MGMT: variants seen among roughly 807,000 people sequenced by gnomAD.
MGMT encodes the protein methylated-DNA--protein-cysteine methyltransferase.
In MGMT, 14 loss-of-function variants were observed where a neutral mutation model predicts 15.9. The ratio of observed to expected loss-of-function variants is 0.88; its 90% CI spans 0.58 to 1.37. MGMT has a LOEUF of 1.37. MGMT is among the 40% of genes most tolerant of loss of function. The pLI, the probability that MGMT is intolerant of heterozygous loss-of-function variation, is 0.00. For missense variants in MGMT, 282 were observed against 268.1 expected (o/e 1.05, Z -0.36); for synonymous variants, 130 against 118.2 (o/e 1.10, Z -0.65).
intron 1 of MGMT, among the ~76,000 whole-genome samples, chr10:129,470,436 G>T (rs1180957061): frequency 6.6e-6 from 1 of 152,186 alleles, no homozygotes; most frequent in African/African-American, 2.4e-5. Context: ...TGCATAGTTT[G>T]GGGGAAACTA....
chr10:129,676,258 G>T (rs556522228), intron 2 of MGMT, among the ~76,000 whole-genome samples: 1 of 152,114 alleles, frequency 6.6e-6, no homozygotes, highest in Non-Finnish European at 1.5e-5. Context: ...GCCGCCCCCC[G>T]ACCTTCATTT....
chr10:129,715,457 G>C (rs1848282941), intron 3 of MGMT: 1 of 152,114 alleles, frequency 6.6e-6, no homozygotes, highest in Admixed American at 6.5e-5. Flanking sequence ...TTTTCTCTCT[G>C]TTTTAAAGTA....
intron 3 of MGMT, among the ~76,000 whole-genome samples, chr10:129,738,121 G>A (rs554650523): frequency 1.5e-4 from 23 of 152,380 alleles, no homozygotes; most frequent in African/African-American, 5.0e-4. Flanking sequence ...ACCTAAGCAA[G>A]CCTGGGCAAT....
At position 129,761,329 on chromosome 10, in the gene MGMT, C is replaced by T. The variant is rs141569867; in HGVS notation, c.414+1988C>T. Among the ~76,000 whole-genome samples the T allele has an allele frequency of 1.4e-3, 217 of 152,310 alleles. 1 individual carries two copies. The highest frequency in any genetic ancestry group is 5.1e-3 in the African/African-American group (210 of 41,550). ...TGCACACACATGAAGATGGGAGTGGCCCCGTCAGCGGGCGCCGACTGCTCG... is the reference window on the plus strand; with the variant it reads ...TGCACACACATGAAGATGGGAGTGGTCCCGTCAGCGGGCGCCGACTGCTCG... On this transcript the variant is annotated intron_variant, in intron 4 of 4. Transcript: ENST00000651593.
intron 1 of MGMT, among the ~76,000 whole-genome samples, chr10:129,479,722 G>A (rs531652335): frequency 1.5e-4 from 21 of 141,316 alleles, no homozygotes; most frequent in African/African-American, 4.4e-4. Context: ...GTGTTTCTCC[G>A]TTCTCACGTT....
At chr10:129,480,673 T>A (rs1358568591) in intron 1 of MGMT, among the ~76,000 whole-genome samples, 1 of 151,966 alleles carries the variant, frequency 6.6e-6, no homozygotes, top group Non-Finnish European at 1.5e-5. Context: ...AGGCCAGGAG[T>A]TGGAGACCAG....
intron 1 of MGMT, 54 bp downstream of exon 1, chr10:129,467,350 C>T (rs918460050): frequency 1.1e-5 from 16 of 1,493,418 alleles, no homozygotes; most frequent in African/African-American, 8.5e-5. Context: ...TCCCTCGGGA[C>T]GGTGGCAGCC....
intron 2 of MGMT, among the ~76,000 whole-genome samples, chr10:129,707,202 G>A (rs569599112): frequency 5.7e-4 from 87 of 152,166 alleles, no homozygotes; most frequent in African/African-American, 1.7e-3. Context: ...ACTTGAACCC[G>A]GGATATGGAG....
intron 2 of MGMT, among the ~76,000 whole-genome samples, chr10:129,558,810 T>A (rs1023916519): frequency 6.6e-6 from 1 of 152,212 alleles, no homozygotes; most frequent in Non-Finnish European, 1.5e-5. Flanking sequence ...TTTCGAAAAG[T>A]GTGTCAGATC....
chr10:129,767,105 C>T lies in MGMT; in HGVS notation c.*108C>T, dbSNP rs1434055090. ...AAAGGAAGTGGCAGTGTCCTGGGAA[C>T]AAGCGTGTCTGCCCTTTCTGTTTCC... On this transcript the variant is annotated 3_prime_UTR_variant, in exon 5 of 5. Coordinates refer to ENST00000651593, the MANE Select transcript of MGMT (RefSeq NM_002412.5). 1.1e-6 allele frequency: 1 copy of T among 943,246 alleles called. No individual in the cohort carries two copies. The highest frequency in any genetic ancestry group is 1.7e-5 in the African/African-American group (1 of 60,316). The allele number at this position is 943,246 out of a possible 1,614,324, so 58.4% of individuals were successfully genotyped here.
intron 1 of MGMT, among the ~76,000 whole-genome samples, chr10:129,510,829 C>T (rs1845673884): frequency 1.3e-5 from 2 of 151,450 alleles, no homozygotes; most frequent in Non-Finnish European, 2.9e-5. Flanking sequence ...ATACTAGACG[C>T]AGGCACGTGC....
rs780753989 is a variant in MGMT, at chr10:129,708,064, C to T, written c.274+21C>T. The T allele has an allele frequency of 7.1e-5, 114 of 1,601,886 alleles. No homozygotes were observed. The Middle Eastern group carries it at 8.4e-4, about 12-fold the overall frequency. ...GCAAGGTCGGTAACTAAGCCATCTG[C>T]GGTGTTTCCTTTGGGGAGCTTGACT... On this transcript the variant is annotated intron_variant, in intron 3 of 4. Transcript: ENST00000651593.
intron 2 of MGMT, among the ~76,000 whole-genome samples, chr10:129,568,081 A>C (rs879898906): frequency 6.6e-6 from 1 of 152,226 alleles, no homozygotes; most frequent in African/African-American, 2.4e-5. Flanking sequence ...ATGCAAACCA[A>C]CCATTAAAAA....
chr10:129,520,008 AAAAAG>A (rs1448790239), intron 1 of MGMT, among the ~76,000 whole-genome samples: 4 of 152,152 alleles, frequency 2.6e-5, no homozygotes, highest in Admixed American at 2.0e-4. Flanking sequence ...ATCTCTACCA[AAAAAG>A]AAAAAGAATA....
chr10:129,762,748 G>A (rs537818285), intron 4 of MGMT, among the ~76,000 whole-genome samples: 8 of 152,254 alleles, frequency 5.3e-5, no homozygotes, highest in Middle Eastern at 3.4e-3. Context: ...TGCCATGAGC[G>A]TTAATGACCC....
chr10:129,596,594 G>T (rs1369347941), intron 2 of MGMT, among the ~76,000 whole-genome samples: 1 of 152,210 alleles, frequency 6.6e-6, no homozygotes, highest in African/African-American at 2.4e-5. Flanking sequence ...CACGGTGCTT[G>T]AGTGGAAGGA....
At chr10:129,711,161 G>A (rs1353993097) in intron 3 of MGMT, among the ~76,000 whole-genome samples, 1 of 152,122 alleles carries the variant, frequency 6.6e-6, no homozygotes, top group Non-Finnish European at 1.5e-5. Context: ...CGGCCTCTTC[G>A]CGGTACCACC....
chr10:129,486,139 A>G (rs1845406547), intron 1 of MGMT, among the ~76,000 whole-genome samples: 1 of 151,506 alleles, frequency 6.6e-6, no homozygotes, highest in African/African-American at 2.4e-5. Context: ...TAACCAAGTC[A>G]AGGTGTGGTT....
At chr10:129,572,830 T>C (rs1846435685) in intron 2 of MGMT, among the ~76,000 whole-genome samples, 1 of 152,220 alleles carries the variant, frequency 6.6e-6, no homozygotes, top group African/African-American at 2.4e-5. Flanking sequence ...TTATTGTATA[T>C]GTGTACCCAA....
Sources: gnomAD v4.1 joint callset for allele counts (sites outside exome capture counted in the v4.1 genomes callset) on GRCh38, gnomAD v4.1.1 for gene constraint, MANE v1.5 for transcripts, NCBI Gene and HGNC (gene_info 2026-07-23, HGNC 2026-07-21) for gene names.